Variants in ITGBL1 observed in about 807,000 individuals in gnomAD.
ITGBL1 encodes the protein integrin beta-like protein 1.
ITGBL1 carries 51 observed loss-of-function variants against 68.5 expected under a neutral mutation model. That is an observed-to-expected ratio of 0.74 (90% CI 0.59 to 0.94). The LOEUF is 0.94. Ranked by LOEUF, ITGBL1 falls within the 40% of genes least tolerant of loss-of-function variation. The pLI, the probability that ITGBL1 is intolerant of heterozygous loss-of-function variation, is 0.00. For missense variants in ITGBL1, 649 were observed against 647.4 expected, an observed-to-expected ratio of 1.00 and a Z score of -0.03; for synonymous variants, 209 against 227.3, an observed-to-expected ratio of 0.92 and a Z score of 0.72.
At chr13:101,600,409 C>A (rs953718771) in intron 7 of ITGBL1, among the ~76,000 whole-genome samples, 9 of 152,200 alleles carry the variant, frequency 5.9e-5, no homozygotes, top group African/African-American at 2.2e-4. Flanking sequence ...TTCCTCTTTT[C>A]CTAATTGAAT....
chr13:101,516,112 A>G (rs1246811566), intron 2 of ITGBL1, among the ~76,000 whole-genome samples: 2 of 152,136 alleles, frequency 1.3e-5, no homozygotes, highest in African/African-American at 4.8e-5. Flanking sequence ...CTTTTTCTTT[A>G]GAAAAAGAGA....
intron 7 of ITGBL1, among the ~76,000 whole-genome samples, chr13:101,658,233 A>G (rs1344938296): frequency 6.6e-6 from 1 of 152,222 alleles, no homozygotes. Context: ...TGGGAGAATG[A>G]CCTTAATTAA....
chr13:101,686,413 A>T (rs1344305965), intron 7 of ITGBL1, among the ~76,000 whole-genome samples: 1 of 152,150 alleles, frequency 6.6e-6, no homozygotes, highest in Non-Finnish European at 1.5e-5. Context: ...TAGTGGGAGA[A>T]GGTGCTGTGG....
At chr13:101,529,205 G>T (rs1304576063) in intron 2 of ITGBL1, among the ~76,000 whole-genome samples, 3 of 151,718 alleles carry the variant, frequency 2.0e-5, no homozygotes, top group South Asian at 4.1e-4. Context: ...ATTTGAGAGA[G>T]AAATTGAAAC....
intron 7 of ITGBL1, among the ~76,000 whole-genome samples, chr13:101,653,316 G>T (rs969869283): frequency 6.6e-6 from 1 of 152,120 alleles, no homozygotes; most frequent in African/African-American, 2.4e-5. Flanking sequence ...GACCATATAA[G>T]AGATACTTCT....
chr13:101,665,997 C>A (rs1306916893), intron 7 of ITGBL1, among the ~76,000 whole-genome samples: 1 of 152,092 alleles, frequency 6.6e-6, no homozygotes, highest in Admixed American at 6.6e-5. Context: ...ACTTATATAA[C>A]CTCCTCATTT....
intron 7 of ITGBL1, among the ~76,000 whole-genome samples, chr13:101,672,036 A>G (rs1277801367): frequency 6.6e-6 from 1 of 152,220 alleles, no homozygotes; most frequent in Non-Finnish European, 1.5e-5. Flanking sequence ...GTCCAATCTG[A>G]GATTACTATA....
At chr13:101,467,612 T>C (rs1440199143) in intron 2 of ITGBL1, among the ~76,000 whole-genome samples, 2 of 152,136 alleles carry the variant, frequency 1.3e-5, no homozygotes, top group Non-Finnish European at 2.9e-5. Flanking sequence ...CTAAATCATC[T>C]TACTTAAGGC....
At chr13:101,498,643 C>T (rs1198424543) in intron 2 of ITGBL1, among the ~76,000 whole-genome samples, 1 of 152,006 alleles carries the variant, frequency 6.6e-6, no homozygotes, top group Admixed American at 6.6e-5. Flanking sequence ...TACAGATGAC[C>T]TAAATAATTT....
At chr13:101,569,721 C>T (rs1010560617) in intron 3 of ITGBL1, among the ~76,000 whole-genome samples, 28 of 152,174 alleles carry the variant, frequency 1.8e-4, no homozygotes, top group African/African-American at 5.3e-4. Context: ...ATGTCTCCCC[C>T]GCCATGATTA....
chr13:101,630,182 T>G (rs2031930979), intron 7 of ITGBL1, among the ~76,000 whole-genome samples: 1 of 152,220 alleles, frequency 6.6e-6, no homozygotes, highest in South Asian at 2.1e-4. Flanking sequence ...TTGGACAATT[T>G]GTTTTCTAAA....
chr13:101,628,235 T>A (rs577901543), intron 7 of ITGBL1, among the ~76,000 whole-genome samples: 34 of 152,302 alleles, frequency 2.2e-4, no homozygotes, highest in African/African-American at 7.0e-4. Flanking sequence ...GTTTGCCATC[T>A]GTATGTTTTC....
chr13:101,473,260 GA>G (rs374661574), intron 2 of ITGBL1, among the ~76,000 whole-genome samples: 1 of 152,160 alleles, frequency 6.6e-6, no homozygotes, highest in African/African-American at 2.4e-5. Flanking sequence ...GAAGAGGTAG[GA>G]AAGACAGTCT....
At position 101,561,297 on chromosome 13, in the gene ITGBL1, G is replaced by A. The variant is rs2050096364; in HGVS notation, c.317-6402G>A. 2.0e-5 allele frequency among the ~76,000 whole-genome samples: 3 copies of A among 152,044 alleles called. No individual in the cohort carries two copies. In the South Asian group the frequency reaches 6.2e-4, roughly 32 times the overall value. On this transcript the variant is annotated intron_variant, in intron 2 of 10. Transcript: ENST00000376180. Reference sequence around the variant, plus strand: ...CTTTTGAAAACAGATCCAGGAAGTGGGGAACTCAAGGAAGAGAGGAGCAGC... The same window carrying A: ...CTTTTGAAAACAGATCCAGGAAGTGAGGAACTCAAGGAAGAGAGGAGCAGC...
At chr13:101,531,774 T>A (rs2049485452) in intron 2 of ITGBL1, among the ~76,000 whole-genome samples, 1 of 151,622 alleles carries the variant, frequency 6.6e-6, no homozygotes, top group Non-Finnish European at 1.5e-5. Context: ...GCTCTGTGGC[T>A]CAGGCTGGGG....
At chr13:101,506,829 C>A (rs1406696545) in intron 2 of ITGBL1, among the ~76,000 whole-genome samples, 1 of 152,078 alleles carries the variant, frequency 6.6e-6, no homozygotes, top group Admixed American at 6.6e-5. Flanking sequence ...CCCATTGTGA[C>A]ATGAAAACAA....
chr13:101,598,149 G>A lies in ITGBL1; in HGVS notation c.869-4G>A, dbSNP rs755944541. ...TTTTATTTTTTGCCACTCTCACTGT[G>A]AAGGTCATGGACAGTGTAATTGCGG... is the stretch of plus-strand genomic sequence containing the variant. On this transcript the variant is annotated splice_polypyrimidine_tract_variant and splice_region_variant and intron_variant, in intron 6 of 10. Transcript: ENST00000376180. The A allele has an allele frequency of 9.4e-6, 15 of 1,590,154 alleles. No homozygotes were observed. The South Asian group carries it at 1.5e-4, about 16-fold the overall frequency.
chr13:101,663,354 C>T (rs2033134975), intron 7 of ITGBL1, among the ~76,000 whole-genome samples: 1 of 152,134 alleles, frequency 6.6e-6, no homozygotes, highest in Non-Finnish European at 1.5e-5. Context: ...ACATCTGAGA[C>T]ACTTTAGAGA....
At chr13:101,531,047 A>ATT (rs58894397) in intron 2 of ITGBL1, among the ~76,000 whole-genome samples, 28 of 151,752 alleles carry the variant, frequency 1.8e-4, no homozygotes, top group Admixed American at 1.4e-3. Context: ...ATATTAGAGG[A>ATT]TTTTTTTTAT....
Sources: gnomAD v4.1 joint callset for allele counts (sites outside exome capture counted in the v4.1 genomes callset) on GRCh38, gnomAD v4.1.1 for gene constraint, MANE v1.5 for transcripts, NCBI Gene and HGNC (gene_info 2026-07-23, HGNC 2026-07-21) for gene names.